The following RBFOX1 variants were observed in gnomAD, a reference collection of about 807,000 sequenced individuals.
The protein encoded by RBFOX1 is RNA binding fox-1 homolog 1, also known as RNA binding protein fox-1 homolog 1.
In RBFOX1, 8 loss-of-function variants were observed where a neutral mutation model predicts 57.7. That is an observed-to-expected ratio of 0.14 (90% CI 0.08 to 0.25). The LOEUF (loss-of-function observed/expected upper bound fraction) is 0.25, where lower values mean the gene tolerates loss of function less well. Among genes scored for constraint, RBFOX1 ranks in the 10% least tolerant of loss-of-function variants. The pLI is 1.00. For synonymous variants in RBFOX1, 326 were observed against 222.4 expected, an observed-to-expected ratio of 1.47 and a Z score of -4.15; for missense variants, 611 against 548.5, an observed-to-expected ratio of 1.11 and a Z score of -1.14.
chr16:6,242,954 T>C (rs908795972), intron 1 of RBFOX1, among the ~76,000 whole-genome samples: 1 of 152,186 alleles, frequency 6.6e-6, no homozygotes, highest in Non-Finnish European at 1.5e-5. Flanking sequence ...TGAAGAAATA[T>C]ATGTCCTTGT....
At chr16:7,369,314 C>T (rs1307475286) in intron 4 of RBFOX1, among the ~76,000 whole-genome samples, 1 of 152,140 alleles carries the variant, frequency 6.6e-6, no homozygotes, top group Non-Finnish European at 1.5e-5. Context: ...CCTGTTGTTG[C>T]ATGCTTCATC....
intron 3 of RBFOX1, among the ~76,000 whole-genome samples, chr16:5,720,547 C>T (rs2051891590): frequency 6.6e-6 from 1 of 152,130 alleles, no homozygotes; most frequent in African/African-American, 2.4e-5. Flanking sequence ...CCTATGTCTT[C>T]TAAGGCTTTT....
intron 4 of RBFOX1, among the ~76,000 whole-genome samples, chr16:7,324,610 C>T (rs926750610): frequency 1.5e-4 from 23 of 152,220 alleles, no homozygotes; most frequent in African/African-American, 5.5e-4. Flanking sequence ...TTTGCTCATT[C>T]AGCCAGTCAG....
intron 4 of RBFOX1, among the ~76,000 whole-genome samples, chr16:7,124,561 CCCTTCCTTCCTT>C (rs1202629320): frequency 3.1e-5 from 4 of 129,224 alleles, no homozygotes; most frequent in African/African-American, 9.1e-5. Context: ...CTCCCTCCCT[CCCTTCCTTCCTT>C]CCTTCCTTCC....
At chr16:6,725,007 G>C (rs114032400) in intron 3 of RBFOX1, among the ~76,000 whole-genome samples, 2,462 of 150,496 alleles carry the variant, frequency 0.016, 75 homozygotes, top group African/African-American at 0.057. Context: ...GGGACAGCCA[G>C]GAGTCACTTT....
Position 6,976,826 on chromosome 16 carries a change from T to C in RBFOX1, c.-15-75231T>C, listed in dbSNP as rs1218277271. Reference sequence around the variant, plus strand: ...TGAGATATAAATGATCTAGATCATATATAATGTACCTATCATATGATGTAT... The same window carrying C: ...TGAGATATAAATGATCTAGATCATACATAATGTACCTATCATATGATGTAT... On this transcript the variant is annotated intron_variant, in intron 3 of 15. Coordinates refer to ENST00000550418, the MANE Select transcript of RBFOX1 (RefSeq NM_018723.4). Among the ~76,000 whole-genome samples, 10 of 146,360 alleles carry C rather than the reference T, an allele frequency of 6.8e-5. No individual in the cohort carries two copies. The Admixed American group carries it at 7.0e-4, about 10-fold the overall frequency.
At position 6,789,477 on chromosome 16, in the gene RBFOX1, T is replaced by G. The variant is rs892127342; in HGVS notation, c.-16+134827T>G. ...CACTAATGGTGTCAAGTTGGTATTT[T>G]AGAGAGAAGCAGTCATTTCATTCTC... On this transcript the variant is annotated intron_variant, in intron 3 of 15. Transcript: ENST00000550418. 3.3e-5 allele frequency among the ~76,000 whole-genome samples: 5 copies of G among 152,170 alleles called. No homozygotes were observed. In the East Asian group the frequency reaches 7.7e-4, roughly 23 times the overall value.
At chr16:5,492,765 G>A (rs900214788) in intron 2 of RBFOX1, among the ~76,000 whole-genome samples, 1 of 152,224 alleles carries the variant, frequency 6.6e-6, no homozygotes, top group African/African-American at 2.4e-5. Context: ...TTCTGTGCAT[G>A]TGTGAAAGAA....
intron 2 of RBFOX1, among the ~76,000 whole-genome samples, chr16:5,565,413 G>A (rs1326491740): frequency 1.3e-5 from 2 of 152,056 alleles, no homozygotes; most frequent in Admixed American, 1.3e-4. Flanking sequence ...ATCACCTGAG[G>A]TTGGGAGTTC....
intron 3 of RBFOX1, among the ~76,000 whole-genome samples, chr16:5,653,953 T>C (rs1405003697): frequency 6.6e-6 from 1 of 152,182 alleles, no homozygotes; most frequent in African/African-American, 2.4e-5. Flanking sequence ...ACTTTGTGGA[T>C]GTTCTCAGAT....
chr16:5,597,084 A>T (rs2047206536), intron 2 of RBFOX1, among the ~76,000 whole-genome samples: 1 of 152,230 alleles, frequency 6.6e-6, no homozygotes, highest in African/African-American at 2.4e-5. Flanking sequence ...ACAGAAACAG[A>T]AATCCCAGAA....
At chr16:6,134,516 G>A (rs530017357) in intron 1 of RBFOX1, among the ~76,000 whole-genome samples, 1 of 152,032 alleles carries the variant, frequency 6.6e-6, no homozygotes, top group African/African-American at 2.4e-5. Flanking sequence ...GTGAGCTCGG[G>A]GAAACCTAAA....
intron 4 of RBFOX1, among the ~76,000 whole-genome samples, chr16:7,490,271 A>C (rs972216302): frequency 6.6e-6 from 1 of 152,226 alleles, no homozygotes. Context: ...TCAGGCGTTC[A>C]TAATAGATAA....
chr16:5,506,314 A>T (rs1394725632), intron 2 of RBFOX1, among the ~76,000 whole-genome samples: 1 of 152,214 alleles, frequency 6.6e-6, no homozygotes, highest in Non-Finnish European at 1.5e-5. Context: ...AGGCACAGAG[A>T]CGTAAGTCGC....
intron 3 of RBFOX1, among the ~76,000 whole-genome samples, chr16:6,802,837 T>A (rs886535414): frequency 2.0e-5 from 3 of 152,226 alleles, no homozygotes; most frequent in Non-Finnish European, 4.4e-5. Context: ...CTATGAAGAA[T>A]TTTATAAACT....
intron 4 of RBFOX1, among the ~76,000 whole-genome samples, chr16:7,334,001 G>A (rs1438628876): frequency 2.6e-5 from 4 of 152,022 alleles, no homozygotes; most frequent in African/African-American, 9.7e-5. Flanking sequence ...ATTTAGGTAC[G>A]TCCTTTCACC....
intron 1 of RBFOX1, among the ~76,000 whole-genome samples, chr16:5,392,908 A>G (rs986184348): frequency 6.6e-6 from 1 of 152,016 alleles, no homozygotes; most frequent in African/African-American, 2.4e-5. Flanking sequence ...TTACCTGCTC[A>G]TTTTGCAACA....
intron 2 of RBFOX1, among the ~76,000 whole-genome samples, chr16:6,583,583 C>G (rs1157200692): frequency 1.3e-5 from 2 of 152,182 alleles, no homozygotes; most frequent in East Asian, 3.9e-4. Flanking sequence ...TACCTGTCGC[C>G]TTTTTAACTG....
chr16:6,241,155 C>G (rs2097538139), intron 1 of RBFOX1, among the ~76,000 whole-genome samples: 1 of 152,174 alleles, frequency 6.6e-6, no homozygotes, highest in Admixed American at 6.5e-5. Flanking sequence ...AGCCCAGCAC[C>G]CCAACGCCCC....
Sources: gnomAD v4.1 joint callset for allele counts (sites outside exome capture counted in the v4.1 genomes callset) on GRCh38, gnomAD v4.1.1 for gene constraint, MANE v1.5 for transcripts, NCBI Gene and HGNC (gene_info 2026-07-23, HGNC 2026-07-21) for gene names.